ANKDD1A: variants seen among roughly 807,000 people sequenced by gnomAD.
The protein encoded by ANKDD1A is ankyrin repeat and death domain-containing protein 1A.
ANKDD1A carries 59 observed loss-of-function variants against 63.5 expected under a neutral mutation model. That is an observed-to-expected ratio of 0.93 (90% CI 0.75 to 1.15). The LOEUF (loss-of-function observed/expected upper bound fraction) is 1.15. Among genes scored for constraint, ANKDD1A ranks in the 50% most tolerant of loss-of-function variants. The probability of loss-of-function intolerance (pLI) is 0.00; values close to 1 mark genes in which losing one functional copy is unlikely to be tolerated. For missense variants in ANKDD1A, 632 were observed against 656.4 expected (o/e 0.96, Z 0.41); for synonymous variants, 266 against 263.9 (o/e 1.01, Z -0.08).
At chr15:64,931,664 T>C in intron 8 of ANKDD1A, 79 bp downstream of exon 8, 1 of 1,468,130 alleles carries the variant, frequency 6.8e-7, no homozygotes, top group Non-Finnish European at 9.4e-7. Flanking sequence ...GCCACAGGGA[T>C]TCCTGAACCC....
intron 1 of ANKDD1A, among the ~76,000 whole-genome samples, chr15:64,915,136 C>A (rs1406752916): frequency 6.6e-6 from 1 of 152,184 alleles, no homozygotes; most frequent in Non-Finnish European, 1.5e-5. Flanking sequence ...GAAACCCTGT[C>A]TCTACCAAAT....
At chr15:64,944,799 G>T in intron 12 of ANKDD1A, 52 bp downstream of exon 12, 1 of 1,588,820 alleles carries the variant, frequency 6.3e-7, no homozygotes, top group Non-Finnish European at 8.6e-7. Context: ...AGTGATTTTG[G>T]CTCCAGATGG....
chr15:64,917,645 G>A, intron 3 of ANKDD1A, 131 bp downstream of exon 3: 3 of 1,367,138 alleles, frequency 2.2e-6, no homozygotes, highest in South Asian at 1.4e-5. Flanking sequence ...GGAGTCAGAG[G>A]CTTCAGGCGC....
At chr15:64,952,726 TTCTC>T (rs2085318488) in intron 14 of ANKDD1A, among the ~76,000 whole-genome samples, 1 of 143,404 alleles carries the variant, frequency 7.0e-6, no homozygotes, top group Admixed American at 7.1e-5. Context: ...TTCTTTCTTC[TTCTC>T]CTTCTTCCTC....
intron 14 of ANKDD1A, among the ~76,000 whole-genome samples, chr15:64,952,820 C>A (rs1239373406): frequency 7.1e-6 from 1 of 141,532 alleles, no homozygotes; most frequent in African/African-American, 2.6e-5. Context: ...CCTCCTTCTT[C>A]CTCCTCCTTC....
At position 64,956,314 on chromosome 15, in the gene ANKDD1A, G is replaced by C. The variant is rs546976763; in HGVS notation, c.1484-789G>C. Among the ~76,000 whole-genome samples, 249 of 151,656 alleles carry C rather than the reference G, an allele frequency of 1.6e-3. 1 individual carries two copies. The highest frequency in any genetic ancestry group is 6.8e-3 in the Middle Eastern group (2 of 294). On this transcript the variant is annotated intron_variant, in intron 14 of 14. Coordinates refer to ENST00000319580, the MANE Select transcript of ANKDD1A (RefSeq NM_182703.6). Reference sequence around the variant, plus strand: ...CCTGTAATCCCAGCACTTTGGGAGGGCAAGGCGGGCAGATCACGAGGTCAG... The same window carrying C: ...CCTGTAATCCCAGCACTTTGGGAGGCCAAGGCGGGCAGATCACGAGGTCAG...
intron 14 of ANKDD1A, among the ~76,000 whole-genome samples, chr15:64,955,155 G>A (rs2085406986): frequency 6.6e-6 from 1 of 151,622 alleles, no homozygotes; most frequent in Non-Finnish European, 1.5e-5. Flanking sequence ...CCAGGTTCAC[G>A]CCATTCTCCT....
intron 3 of ANKDD1A, among the ~76,000 whole-genome samples, chr15:64,921,204 G>T (rs1469178712): frequency 6.6e-6 from 1 of 152,160 alleles, no homozygotes; most frequent in Non-Finnish European, 1.5e-5. Flanking sequence ...CAAACTCCTG[G>T]GCTCAAGTGA....
At position 64,931,454 on chromosome 15, in the gene ANKDD1A, C is replaced by T. The variant is rs749663500; in HGVS notation, c.670-33C>T. 5.0e-6 allele frequency: 8 copies of T among 1,599,356 alleles called. No individual in the cohort carries two copies. The Admixed American group carries it at 6.8e-5, about 14-fold the overall frequency. ...GGGGTCACTTGGGGGTGGGCCTCCC[C>T]ACCATCCTCATTGCTCTTCTTGTGT... On this transcript the variant is annotated intron_variant, in intron 7 of 14. Transcript: ENST00000319580.
At chr15:64,923,130 C>T (rs2085019925) in intron 4 of ANKDD1A, among the ~76,000 whole-genome samples, 1 of 152,018 alleles carries the variant, frequency 6.6e-6, no homozygotes, top group African/African-American at 2.4e-5. Flanking sequence ...TATCCTAATC[C>T]CTAGAACCTC....
intron 14 of ANKDD1A, among the ~76,000 whole-genome samples, chr15:64,954,150 CTTA>C (rs1465004829): frequency 1.2e-4 from 14 of 119,568 alleles, no homozygotes; most frequent in African/African-American, 2.5e-4. Context: ...CTTCTTGTTC[CTTA>C]TTATTCTTTC....
intron 9 of ANKDD1A, among the ~76,000 whole-genome samples, chr15:64,934,694 G>A (rs2085115080): frequency 7.9e-6 from 1 of 126,992 alleles, no homozygotes; most frequent in African/African-American, 2.8e-5. Flanking sequence ...TGTATTTTTG[G>A]TAGAAAAATA....
At chr15:64,941,219 C>T (rs1339272651) in intron 9 of ANKDD1A, among the ~76,000 whole-genome samples, 1 of 152,160 alleles carries the variant, frequency 6.6e-6, no homozygotes, top group Non-Finnish European at 1.5e-5. Flanking sequence ...GCATTCAATA[C>T]AAGAATGCTA....
chr15:64,923,538 A>G (rs2085023024), intron 4 of ANKDD1A, among the ~76,000 whole-genome samples: 1 of 152,010 alleles, frequency 6.6e-6, no homozygotes, highest in African/African-American at 2.4e-5. Context: ...GCTTCACCAG[A>G]TGTAAAAGGG....
chr15:64,912,218 A>G (rs1029273436), intron 1 of ANKDD1A, among the ~76,000 whole-genome samples: 2 of 152,152 alleles, frequency 1.3e-5, no homozygotes, highest in African/African-American at 4.8e-5. Context: ...TACAAATAAT[A>G]AAGGTAATAG....
chr15:64,957,200 G>A lies in ANKDD1A; in HGVS notation c.*12G>A. 1 of 363,750 alleles carries A rather than the reference G, an allele frequency of 2.7e-6. No homozygotes were observed. The highest frequency in any genetic ancestry group is 5.4e-6 in the Non-Finnish European group (1 of 184,632). The allele number at this position is 363,750 out of a possible 1,614,324, so 22.5% of individuals were successfully genotyped here. A position where few individuals can be genotyped will look rare whatever the true frequency, so the allele number is the denominator to read the frequency against. Reference sequence around the variant, plus strand: ...AGCCTCCCGAGTAGCTGGGATTACAGGTGCATGCCATCACAGCTGGCTAAT... The same window carrying A: ...AGCCTCCCGAGTAGCTGGGATTACAAGTGCATGCCATCACAGCTGGCTAAT... On this transcript the variant is annotated 3_prime_UTR_variant, in exon 15 of 15. Coordinates refer to ENST00000319580, the MANE Select transcript of ANKDD1A (RefSeq NM_182703.6).
intron 5 of ANKDD1A, 48 bp downstream of exon 5, chr15:64,926,218 C>A: frequency 6.4e-7 from 1 of 1,560,704 alleles, no homozygotes; most frequent in African/African-American, 1.4e-5. Context: ...GCGGGGGGCT[C>A]CTGGGGCCAC....
At chr15:64,953,734 CCTTCTT>C (rs202007524) in intron 14 of ANKDD1A, among the ~76,000 whole-genome samples, 10 of 134,682 alleles carry the variant, frequency 7.4e-5, no homozygotes, top group African/African-American at 1.7e-4. Flanking sequence ...TTCTTCTCCT[CCTTCTT>C]CTTTCCTCTT....
In ANKDD1A at chr15:64,943,505, C is replaced by T. The variant is rs370048019; in HGVS notation, c.988C>T (p.Leu330=). The change falls in exon 11 of 15, where the codon CTG becomes TTG. Residue 330 remains leucine, a synonymous_variant. Transcript: ENST00000319580. ...VDNRQQTPLH[L]AAEHAWQDIA... ...CTAGAGGCAGCAGACGCCCCTTCAC[C>T]TGGCTGCAGAGCACGCCTGGCAGGA... 2.3e-4 allele frequency: 371 copies of T among 1,614,222 alleles called. 7 individuals carry two copies. In the South Asian group the frequency reaches 2.7e-3, roughly 12 times the overall value.
Sources: gnomAD v4.1 joint callset for allele counts (sites outside exome capture counted in the v4.1 genomes callset) on GRCh38, gnomAD v4.1.1 for gene constraint, MANE v1.5 for transcripts, NCBI Gene and HGNC (gene_info 2026-07-23, HGNC 2026-07-21) for gene names.